THNSL2: variants seen among roughly 807,000 people sequenced by gnomAD.
THNSL2 encodes the protein threonine synthase-like 2.
A neutral mutation model predicts 40.0 loss-of-function variants in THNSL2; 34 were observed. The observed-to-expected ratio is 0.85, with a 90% CI of 0.65 to 1.13. THNSL2 has a LOEUF of 1.13. Among genes scored for constraint, THNSL2 ranks in the 50% most tolerant of loss-of-function variants. The pLI is 0.00. For missense variants in THNSL2, 537 were observed against 608.8 expected (o/e 0.88, Z 1.24); for synonymous variants, 241 against 247.5 (o/e 0.97, Z 0.25).
chr2:88,170,474 C>A lies in THNSL2; in HGVS notation c.-13+18C>A. ...CCGCACCGGTAACGCGCGCCAACCT[C>A]GCCGCCCTCCCGGGGTCGTCGCGGG... is the stretch of plus-strand genomic sequence containing the variant. On this transcript the variant is annotated intron_variant, in intron 1 of 8. Transcript: ENST00000674334. 1 of 145,228 alleles carries A rather than the reference C, an allele frequency of 6.9e-6. No individual in the cohort carries two copies. Among genetic ancestry groups the A allele is most frequent in the South Asian group, 1.8e-4 (1 of 5,408 alleles). 9.0% of individuals were successfully genotyped at this position (145,228 alleles called of 1,614,324 possible).
intron 7 of THNSL2, among the ~76,000 whole-genome samples, chr2:88,184,859 A>G (rs771690047): frequency 6.6e-5 from 10 of 152,344 alleles, no homozygotes; most frequent in South Asian, 2.1e-4. Flanking sequence ...TAAGCATGCA[A>G]TACATTTTCA....
At chr2:88,171,838 A>G (rs1307144775) in intron 1 of THNSL2, 1 of 152,602 alleles carries the variant, frequency 6.6e-6, no homozygotes, top group Non-Finnish European at 1.5e-5. Flanking sequence ...TCCCAGCATA[A>G]TCACTTTCAA....
chr2:88,170,796 G>A (rs966578580), intron 1 of THNSL2, among the ~76,000 whole-genome samples: 1 of 152,040 alleles, frequency 6.6e-6, no homozygotes, highest in Non-Finnish European at 1.5e-5. Context: ...GACTGGCACC[G>A]GTAGCCTCAG....
At chr2:88,182,634 A>G in intron 5 of THNSL2, 65 bp from the exon 6 acceptor site, 1 of 1,446,572 alleles carries the variant, frequency 6.9e-7, no homozygotes, top group Non-Finnish European at 9.2e-7. Context: ...ATGAAGCCCA[A>G]TTTACTTTTT....
intron 7 of THNSL2, among the ~76,000 whole-genome samples, chr2:88,184,904 G>A (rs1558900583): frequency 6.6e-6 from 1 of 152,204 alleles, no homozygotes; most frequent in African/African-American, 2.4e-5. Context: ...CACCGAGGGA[G>A]CACAGACAAG....
intron 1 of THNSL2, chr2:88,171,677 T>C (rs879557187): frequency 5.5e-6 from 1 of 182,372 alleles, no homozygotes; most frequent in Non-Finnish European, 1.2e-5. Flanking sequence ...CCCCCGACCC[T>C]GGTTCTGTTT....
At chr2:88,174,179 T>C (rs1676659963) in intron 2 of THNSL2, among the ~76,000 whole-genome samples, 1 of 152,174 alleles carries the variant, frequency 6.6e-6, no homozygotes, top group Non-Finnish European at 1.5e-5. Flanking sequence ...GCTCCAGTCC[T>C]GCCTTAGGGA....
intron 7 of THNSL2, 84 bp downstream of exon 7, chr2:88,183,157 A>G: frequency 5.2e-6 from 8 of 1,545,118 alleles, no homozygotes; most frequent in South Asian, 1.2e-5. Flanking sequence ...GGTCAAGGGA[A>G]GAGGACACCT....
chr2:88,175,617 C>A, intron 4 of THNSL2: 1 of 559,500 alleles, frequency 1.8e-6, no homozygotes, highest in Non-Finnish European at 3.1e-6. Flanking sequence ...AAACTGATAC[C>A]AACAGTACAA....
intron 5 of THNSL2, among the ~76,000 whole-genome samples, chr2:88,181,102 CCTCTCTCTCCT>C (rs1387529328): frequency 2.5e-3 from 3 of 1,194 alleles, no homozygotes; most frequent in Non-Finnish European, 4.7e-3. Flanking sequence ...TCTCCTCTCT[CCTCTCTCTCCT>C]CTCTCTCTCC....
intron 2 of THNSL2, 122 bp downstream of exon 2, chr2:88,173,495 A>C (rs1235877903): frequency 4.3e-6 from 3 of 703,196 alleles, no homozygotes; most frequent in Non-Finnish European, 6.1e-6. Context: ...ACTTTGTTTT[A>C]TTTCTTTTCC....
chr2:88,171,266 A>G lies in THNSL2; in HGVS notation c.-13+810A>G, dbSNP rs180677547. ...CCTGGGAATGCTGCCCCTGGAAGGC[A>G]TTGGACAGAACAGGGACAGTCCTGT... On this transcript the variant is annotated intron_variant, in intron 1 of 8. Transcript: ENST00000674334. 596 of 456,452 alleles carry G rather than the reference A, an allele frequency of 1.3e-3. 1 individual carries two copies. The highest frequency in any genetic ancestry group is 0.011 in the African/African-American group (547 of 50,136). The allele number at this position is 456,452 out of a possible 1,614,324, so 28.3% of individuals were successfully genotyped here.
Position 88,173,342 on chromosome 2 carries a change from C to T in THNSL2, c.192C>T (p.Gly64=). 6.2e-7 allele frequency: 1 copy of T among 1,609,030 alleles called. No individual in the cohort carries two copies. The highest frequency in any genetic ancestry group is 1.1e-5 in the South Asian group (1 of 90,832). The part of the protein sequence containing the change: ...LVKELCALFI[G]SELLPKDELN... Reference sequence around the variant, plus strand: ...AGGAGCTGTGTGCCCTCTTCATTGGCTCTGAGCTCCTTCCAAAAGATGAAT... The same window carrying T: ...AGGAGCTGTGTGCCCTCTTCATTGGTTCTGAGCTCCTTCCAAAAGATGAAT... Residue 64 remains glycine, a synonymous_variant, in exon 2 of 9, where the codon GGC becomes GGT. Transcript: ENST00000674334.
At chr2:88,184,581 A>T (rs1016721365) in intron 7 of THNSL2, among the ~76,000 whole-genome samples, 1 of 150,610 alleles carries the variant, frequency 6.6e-6, no homozygotes. Flanking sequence ...CCTGGCCAAC[A>T]TGGTGAAACC....
chr2:88,174,830 G>T lies in THNSL2; in HGVS notation c.415G>T (p.Val139Leu), dbSNP rs989076596. ...EKREKHVTVV[V>L]GTSGDTGSAA... Reference sequence around the variant, plus strand: ...GAGGGAGAAGCACGTCACTGTGGTTGTAGGTGTGTTTTTGGGGCACAAACG... The same window carrying T: ...GAGGGAGAAGCACGTCACTGTGGTTTTAGGTGTGTTTTTGGGGCACAAACG... Residue 139 changes from valine (V) to leucine (L), a missense_variant, in exon 3 of 9, where the codon GTA becomes TTA. Physicochemically the swap from Val to Leu is conservative, Grantham distance 32. Coordinates refer to ENST00000674334, the MANE Select transcript of THNSL2 (RefSeq NM_018271.5). The T allele has an allele frequency of 1.2e-6, 2 of 1,613,696 alleles. No homozygotes were observed. Among genetic ancestry groups the T allele is most frequent in the African/African-American group, 2.7e-5 (2 of 74,916 alleles).
At chr2:88,184,852 G>A (rs977211948) in intron 7 of THNSL2, among the ~76,000 whole-genome samples, 3 of 152,196 alleles carry the variant, frequency 2.0e-5, no homozygotes, top group Non-Finnish European at 4.4e-5. Context: ...TGTATTGTAA[G>A]CATGCAATAC....
rs769791655 is a variant in THNSL2 at position 88,178,814 on chromosome 2, G to A, written c.603G>A (p.Pro201=). 12 of 1,613,944 alleles carry A rather than the reference G, an allele frequency of 7.4e-6. No homozygotes were observed. The highest frequency in any genetic ancestry group is 2.7e-5 in the African/African-American group (2 of 74,894). The change falls in exon 5 of 9, where the codon CCG becomes CCA. Residue 201 remains proline, a synonymous_variant. Coordinates refer to ENST00000674334, the MANE Select transcript of THNSL2 (RefSeq NM_018271.5). Reference sequence around the variant, plus strand: ...GAAACAGCGATGAGCTCGATGAGCCGATCAAGACTGTGTTTGCCGATGTGG... The same window carrying A: ...GAAACAGCGATGAGCTCGATGAGCCAATCAAGACTGTGTTTGCCGATGTGG... ...VEGNSDELDE[P]IKTVFADVAF... is the part of the protein sequence containing the mutation.
intron 3 of THNSL2, 25 bp downstream of exon 3, chr2:88,174,858 GAA>G: frequency 6.2e-7 from 1 of 1,610,474 alleles, no homozygotes. Flanking sequence ...CACAAACGCA[GAA>G]TACCTGAGTG....
chr2:88,171,086 G>A (rs373158664), intron 1 of THNSL2: 17 of 335,092 alleles, frequency 5.1e-5, no homozygotes, highest in Middle Eastern at 4.3e-4. Context: ...CACGTAGTCC[G>A]GGTCTCCATC....
Sources: gnomAD v4.1 joint callset for allele counts (sites outside exome capture counted in the v4.1 genomes callset) on GRCh38, gnomAD v4.1.1 for gene constraint, MANE v1.5 for transcripts, NCBI Gene and HGNC (gene_info 2026-07-23, HGNC 2026-07-21) for gene names.